The following DCUN1D4 variants were observed in gnomAD, a reference collection of about 807,000 sequenced individuals.
The protein encoded by DCUN1D4 is DCN1-like protein 4.
A neutral mutation model predicts 47.9 loss-of-function variants in DCUN1D4; 22 were observed. The observed-to-expected ratio is 0.46, with a 90% CI of 0.33 to 0.66. The LOEUF (loss-of-function observed/expected upper bound fraction) is 0.66, where lower values mean the gene tolerates loss of function less well. Ranked by LOEUF, DCUN1D4 falls within the 30% of genes least tolerant of loss-of-function variation. The pLI, the probability that DCUN1D4 is intolerant of heterozygous loss-of-function variation, is 0.02. For synonymous variants in DCUN1D4, 121 were observed against 112.2 expected, an observed-to-expected ratio of 1.08 and a Z score of -0.50; for missense variants, 301 against 340.8, an observed-to-expected ratio of 0.88 and a Z score of 0.92.
At chr4:51,844,314 A>AGG in intron 1 of DCUN1D4, 1 of 876,930 alleles carries the variant, frequency 1.1e-6, no homozygotes, top group Non-Finnish European at 1.3e-6. Context: ...CGGAGAGAGG[A>AGG]GGGGGCGGGG....
At chr4:51,843,070 G>A (rs1721845835), upstream of DCUN1D4, 1 of 1,389,580 alleles carries the variant, frequency 7.2e-7, no homozygotes, top group South Asian at 1.6e-5. Context: ...AATGAGAGAC[G>A]CAGCAGGGCG....
intron 8 of DCUN1D4, among the ~76,000 whole-genome samples, chr4:51,908,350 G>C (rs1051644195): frequency 6.6e-6 from 1 of 152,168 alleles, no homozygotes; most frequent in African/African-American, 2.4e-5. Context: ...GGTAGGGAGA[G>C]ATGTTTTCAT....
intron 8 of DCUN1D4, among the ~76,000 whole-genome samples, chr4:51,905,746 G>A (rs1340281565): frequency 6.6e-6 from 1 of 152,296 alleles, no homozygotes; most frequent in East Asian, 1.9e-4. Context: ...CATGGGATTT[G>A]GAGGAGGGTG....
At chr4:51,875,012 C>T (rs1727451296) in intron 4 of DCUN1D4, 1 of 152,194 alleles carries the variant, frequency 6.6e-6, no homozygotes, top group Admixed American at 6.5e-5. Flanking sequence ...AAACGAACAT[C>T]ATTGTCTAGT....
upstream of DCUN1D4, among the ~76,000 whole-genome samples, chr4:51,841,201 T>C (rs115593734): frequency 8.0e-3 from 1,213 of 151,708 alleles, 11 homozygotes; most frequent in African/African-American, 0.024. Flanking sequence ...CTGTGCAAAA[T>C]AACATGTGTC....
At position 51,863,652 on chromosome 4, in the gene DCUN1D4, C is replaced by A; in HGVS notation, c.97-18C>A. 1.2e-6 allele frequency: 2 copies of A among 1,611,826 alleles called. No individual in the cohort carries two copies. Among genetic ancestry groups the A allele is most frequent in the East Asian group, 4.5e-5 (2 of 44,774 alleles). On this transcript the variant is annotated intron_variant, in intron 2 of 10. Transcript: ENST00000334635. ...ACGGTATGTGATTTCTTCGTAATAACGAACATATTTCTTTCAGAACCTAAC... is the reference window on the plus strand; with the variant it reads ...ACGGTATGTGATTTCTTCGTAATAAAGAACATATTTCTTTCAGAACCTAAC...
At chr4:51,885,320 G>C (rs762330281) in intron 5 of DCUN1D4, among the ~76,000 whole-genome samples, 10 of 152,136 alleles carry the variant, frequency 6.6e-5, no homozygotes, top group Non-Finnish European at 1.0e-4. Context: ...GCACAATTAA[G>C]AAATAATTAG....
intron 3 of DCUN1D4, among the ~76,000 whole-genome samples, chr4:51,868,015 G>A (rs1164788179): frequency 1.3e-5 from 2 of 152,230 alleles, no homozygotes; most frequent in Non-Finnish European, 2.9e-5. Context: ...AGGTGGCAGG[G>A]GGCTGGTGTG....
chr4:51,911,222 A>G, intron 9 of DCUN1D4, 48 bp downstream of exon 9: 7 of 1,511,750 alleles, frequency 4.6e-6, no homozygotes, highest in Non-Finnish European at 6.4e-6. Flanking sequence ...GCTTGGAACT[A>G]CCAAATAACT....
At chr4:51,836,067 G>A in the DCUN1D4 span, among the ~76,000 whole-genome samples, 4 of 152,098 alleles carry the variant, frequency 2.6e-5, no homozygotes, top group South Asian at 2.1e-4. Flanking sequence ...AACCAGACTC[G>A]GGAGGAAAGC....
intron 7 of DCUN1D4, among the ~76,000 whole-genome samples, chr4:51,898,604 A>G (rs1731629938): frequency 6.6e-6 from 1 of 152,220 alleles, no homozygotes; most frequent in Non-Finnish European, 1.5e-5. Flanking sequence ...ATAGGAATCC[A>G]CCAATAATGG....
In DCUN1D4 at chr4:51,913,925, T is replaced by C. The variant is rs1021237910; in HGVS notation, c.*341T>C. Reference sequence around the variant, plus strand: ...TCTGAAAAATGTATTGTAAAAATAATTTTGTGGCATTTCTAGTCCCTTTTT... The same window carrying C: ...TCTGAAAAATGTATTGTAAAAATAACTTTGTGGCATTTCTAGTCCCTTTTT... On this transcript the variant is annotated 3_prime_UTR_variant, in exon 11 of 11. Transcript: ENST00000334635. 4.9e-6 allele frequency: 1 copy of C among 204,442 alleles called. No homozygotes were observed. The highest frequency in any genetic ancestry group is 9.7e-6 in the Non-Finnish European group (1 of 102,792). 12.7% of individuals were successfully genotyped at this position (204,442 alleles called of 1,614,324 possible). A position where few individuals can be genotyped will look rare whatever the true frequency, so the allele number is the denominator to read the frequency against.
chr4:51,902,428 C>A (rs1267379482), intron 8 of DCUN1D4, among the ~76,000 whole-genome samples: 1 of 152,166 alleles, frequency 6.6e-6, no homozygotes, highest in Non-Finnish European at 1.5e-5. Context: ...TGTTTTGAAG[C>A]ACTGATACTA....
At chr4:51,868,163 G>C (rs1487457772) in intron 3 of DCUN1D4, among the ~76,000 whole-genome samples, 1 of 152,226 alleles carries the variant, frequency 6.6e-6, no homozygotes, top group African/African-American at 2.4e-5. Context: ...TTTTGAGGCT[G>C]TGGGGGCAGG....
chr4:51,879,688 T>A lies in DCUN1D4; in HGVS notation c.343+1834T>A, dbSNP rs533653176. ...AATGAAGAGCGTTCTCATATTCTTA[T>A]CACATTGATTATGAAGATCTCTTGC... On this transcript the variant is annotated intron_variant, in intron 5 of 10. Coordinates refer to ENST00000334635, the MANE Select transcript of DCUN1D4 (RefSeq NM_001040402.3). Among the ~76,000 whole-genome samples the A allele has an allele frequency of 2.8e-4, 43 of 152,336 alleles. 1 individual carries two copies. In the South Asian group the frequency reaches 8.5e-3, roughly 30 times the overall value.
chr4:51,843,339 C>T (rs994353935), intron 1 of DCUN1D4, 72 bp downstream of exon 1: 9 of 1,457,898 alleles, frequency 6.2e-6, no homozygotes, highest in African/African-American at 4.4e-5. Flanking sequence ...CTCCCGCAGT[C>T]CCCGCCCCAC....
chr4:51,882,918 C>T (rs1310649879), intron 5 of DCUN1D4, among the ~76,000 whole-genome samples: 1 of 152,010 alleles, frequency 6.6e-6, no homozygotes, highest in Non-Finnish European at 1.5e-5. Flanking sequence ...TAAGCCATAT[C>T]AGTAGATACC....
intron 6 of DCUN1D4, chr4:51,886,909 A>G (rs893360421): frequency 4.5e-6 from 2 of 439,580 alleles, no homozygotes; most frequent in Non-Finnish European, 8.4e-6. Context: ...TGGTGTGGCC[A>G]CATGTGCCTA....
At chr4:51,898,298 G>A (rs1310945208) in intron 7 of DCUN1D4, among the ~76,000 whole-genome samples, 1 of 152,140 alleles carries the variant, frequency 6.6e-6, no homozygotes, top group African/African-American at 2.4e-5. Context: ...ATGTCAGATT[G>A]GTATGTGTGG....
Sources: gnomAD v4.1 joint callset for allele counts (sites outside exome capture counted in the v4.1 genomes callset) on GRCh38, gnomAD v4.1.1 for gene constraint, MANE v1.5 for transcripts, NCBI Gene and HGNC (gene_info 2026-07-23, HGNC 2026-07-21) for gene names.